Variants in FAT3 observed in about 807,000 individuals in gnomAD.
FAT3 encodes the protein FAT atypical cadherin 3.
A neutral mutation model predicts 310.2 loss-of-function variants in FAT3; 95 were observed. The ratio of observed to expected loss-of-function variants is 0.31; its 90% CI spans 0.26 to 0.36. The LOEUF (loss-of-function observed/expected upper bound fraction) is 0.36, where lower values mean the gene tolerates loss of function less well. Ranked by LOEUF, FAT3 falls within the 10% of genes least tolerant of loss-of-function variation. The pLI is 1.00. For synonymous variants in FAT3, 2,314 were observed against 2,192.9 expected (o/e 1.06, Z -1.54); for missense variants, 5,408 against 5,715.6 (o/e 0.95, Z 1.74).
At chr11:92,806,299 T>C in intron 11 of FAT3, 63 bp from the exon 12 acceptor site, 1 of 1,400,554 alleles carries the variant, frequency 7.1e-7, no homozygotes, top group Non-Finnish European at 9.7e-7. Context: ...TATATAATGC[T>C]AAATATGGCA....
At chr11:92,422,174 TCTC>T (rs773850127) in intron 2 of FAT3, among the ~76,000 whole-genome samples, 1 of 152,170 alleles carries the variant, frequency 6.6e-6, no homozygotes, top group Admixed American at 6.5e-5. Flanking sequence ...TACATCTAGT[TCTC>T]CTTCCAATGA....
chr11:92,546,928 C>T (rs1954635847), intron 3 of FAT3, among the ~76,000 whole-genome samples: 1 of 152,148 alleles, frequency 6.6e-6, no homozygotes, highest in African/African-American at 2.4e-5. Flanking sequence ...CAAATGACAC[C>T]TCCTTGTTCA....
chr11:92,859,017 T>A, intron 20 of FAT3, 148 bp from the exon 21 acceptor site: 1 of 632,682 alleles, frequency 1.6e-6, no homozygotes, highest in South Asian at 4.3e-5. Context: ...TGGTTTTTAA[T>A]CAAAAATGAT....
chr11:92,767,816 T>A (rs1946353428), intron 6 of FAT3, among the ~76,000 whole-genome samples: 1 of 152,128 alleles, frequency 6.6e-6, no homozygotes, highest in South Asian at 2.1e-4. Context: ...CCTCTGTTGC[T>A]ACCAACCCAG....
chr11:92,270,040 C>T (rs1946080880), intron 1 of FAT3, among the ~76,000 whole-genome samples: 1 of 152,086 alleles, frequency 6.6e-6, no homozygotes, highest in African/African-American at 2.4e-5. Context: ...GGCTGTGGTT[C>T]CTGTCCTCTC....
At chr11:92,601,746 G>A (rs535784657) in intron 3 of FAT3, among the ~76,000 whole-genome samples, 3 of 152,288 alleles carry the variant, frequency 2.0e-5, no homozygotes, top group African/African-American at 7.2e-5. Flanking sequence ...AATAAGCTTT[G>A]TAGCTCAGAG....
intron 2 of FAT3, among the ~76,000 whole-genome samples, chr11:92,412,402 ATTT>A (rs780298367): frequency 4.0e-5 from 4 of 101,140 alleles, no homozygotes; most frequent in South Asian, 4.1e-4. Context: ...GACCCGGCCT[ATTT>A]TTTTTTTTTT....
At chr11:92,334,552 T>G (rs969228146) in intron 1 of FAT3, among the ~76,000 whole-genome samples, 22 of 130,832 alleles carry the variant, frequency 1.7e-4, no homozygotes, top group African/African-American at 9.2e-4. Flanking sequence ...TTGCCTAGGG[T>G]TTTTTTTTTC....
intron 3 of FAT3, among the ~76,000 whole-genome samples, chr11:92,546,225 G>C (rs1360307845): frequency 6.6e-6 from 1 of 152,176 alleles, no homozygotes; most frequent in Non-Finnish European, 1.5e-5. Flanking sequence ...ACAGAGTGCA[G>C]ATCCTCTGCC....
At chr11:92,374,032 A>G (rs928120377) in intron 2 of FAT3, among the ~76,000 whole-genome samples, 7 of 147,576 alleles carry the variant, frequency 4.7e-5, no homozygotes, top group Non-Finnish European at 7.5e-5. Context: ...AGAGAGAGGG[A>G]GAGAGAGAGA....
At chr11:92,882,220 A>T (rs1444625023) in intron 23 of FAT3, among the ~76,000 whole-genome samples, 1 of 152,118 alleles carries the variant, frequency 6.6e-6, no homozygotes, top group Non-Finnish European at 1.5e-5. Context: ...GAATATCCAT[A>T]TGTTTCACTG....
chr11:92,547,019 G>A (rs1403450564), intron 3 of FAT3, among the ~76,000 whole-genome samples: 1 of 152,188 alleles, frequency 6.6e-6, no homozygotes, highest in African/African-American at 2.4e-5. Flanking sequence ...GGTCTCTTTA[G>A]ATCAAGGGTC....
At position 92,896,354 on chromosome 11, in the gene FAT3, AAGAC is replaced by A. The variant is rs1391050520; in HGVS notation, c.*5244_*5247del. ...AAAAAAACAAAAGCAAACAAAAAAAAAGACAGCCAAAAAAAAGAAACAACAACAA... is the reference window on the plus strand; with the variant it reads ...AAAAAAACAAAAGCAAACAAAAAAAAAGCCAAAAAAAAGAAACAACAACAA... On this transcript the variant is annotated 3_prime_UTR_variant, in exon 28 of 28. Transcript: ENST00000525166. 1.3e-5 allele frequency: 2 copies of A among 151,960 alleles called. No homozygotes were observed. The highest frequency in any genetic ancestry group is 2.1e-4 in the South Asian group (1 of 4,826). 9.4% of individuals were successfully genotyped at this position (151,960 alleles called of 1,614,324 possible). A position where few individuals can be genotyped will look rare whatever the true frequency, so the allele number is the denominator to read the frequency against.
chr11:92,817,095 C>A (rs1947843303), intron 13 of FAT3, among the ~76,000 whole-genome samples: 2 of 152,154 alleles, frequency 1.3e-5, no homozygotes, highest in African/African-American at 4.8e-5. Flanking sequence ...GAGAGGCACA[C>A]ACATGCCCTC....
At chr11:92,450,973 G>GT (rs1241247009) in intron 2 of FAT3, among the ~76,000 whole-genome samples, 1 of 152,064 alleles carries the variant, frequency 6.6e-6, no homozygotes, top group Non-Finnish European at 1.5e-5. Context: ...TTGAAATTTA[G>GT]TTTCAAGATA....
intron 2 of FAT3, among the ~76,000 whole-genome samples, chr11:92,499,737 G>A (rs5001950): frequency 3.0e-4 from 24 of 80,534 alleles, no homozygotes; most frequent in African/African-American, 5.2e-4. Context: ...GTGTGTGTGT[G>A]TGTGTGTGTG....
At chr11:92,667,264 C>T (rs150310031) in intron 3 of FAT3, among the ~76,000 whole-genome samples, 1 of 152,272 alleles carries the variant, frequency 6.6e-6, no homozygotes, top group East Asian at 1.9e-4. Flanking sequence ...TGAGACGTGG[C>T]AGCATCCGTT....
At chr11:92,844,958 T>C (rs537183289) in intron 19 of FAT3, among the ~76,000 whole-genome samples, 4 of 152,346 alleles carry the variant, frequency 2.6e-5, no homozygotes, top group African/African-American at 9.6e-5. Flanking sequence ...GCCTATTTTA[T>C]ACATATTGTC....
chr11:92,519,544 T>A (rs549559582), intron 2 of FAT3, among the ~76,000 whole-genome samples: 1 of 152,210 alleles, frequency 6.6e-6, no homozygotes, highest in East Asian at 1.9e-4. Flanking sequence ...TATGAAAATA[T>A]AAGATTTTTA....
Sources: allele counts gnomAD v4.1 joint callset (sites outside exome capture counted in the v4.1 genomes callset), GRCh38; gene constraint gnomAD v4.1.1; transcripts MANE v1.5; gene names NCBI Gene and HGNC (gene_info 2026-07-23, HGNC 2026-07-21).